Variants in PRKG2 observed in about 807,000 individuals in gnomAD.
The protein encoded by PRKG2 is cGMP-dependent protein kinase 2.
PRKG2 carries 33 observed loss-of-function variants against 97.2 expected under a neutral mutation model. That is an observed-to-expected ratio of 0.34 (90% CI 0.26 to 0.45). The LOEUF is 0.45. Among genes scored for constraint, PRKG2 ranks in the 20% least tolerant of loss-of-function variants. The probability of loss-of-function intolerance (pLI) is 1.00; values close to 1 mark genes in which losing one functional copy is unlikely to be tolerated. For missense variants in PRKG2, 638 were observed against 900.0 expected (o/e 0.71, Z 3.73); for synonymous variants, 330 against 321.8 (o/e 1.03, Z -0.27).
intron 2 of PRKG2, among the ~76,000 whole-genome samples, chr4:81,177,952 G>A (rs970439320): frequency 6.6e-6 from 1 of 151,634 alleles, no homozygotes; most frequent in African/African-American, 2.4e-5. Flanking sequence ...ACTGAACACA[G>A]TCTTGGCTAT....
At position 81,092,317 on chromosome 4, in the gene PRKG2, A is replaced by T. The variant is rs1466208797; in HGVS notation, c.2193+69T>A. 3 of 1,081,624 alleles carry T rather than the reference A, an allele frequency of 2.8e-6. No homozygotes were observed. In the African/African-American group the frequency reaches 4.9e-5, roughly 18 times the overall value. The allele number at this position is 1,081,624 out of a possible 1,614,324, so 67.0% of individuals were successfully genotyped here. On this transcript the variant is annotated intron_variant, in intron 18 of 18. Coordinates refer to ENST00000264399, the MANE Select transcript of PRKG2 (RefSeq NM_006259.3). ...CTGTTATGGGCATATACATACACACATCTAAAATCTGTGTACAAAAACAAA... is the reference window on the plus strand; with the variant it reads ...CTGTTATGGGCATATACATACACACTTCTAAAATCTGTGTACAAAAACAAA...
At chr4:81,176,034 A>G (rs1428552273) in intron 2 of PRKG2, 2 of 152,154 alleles carry the variant, frequency 1.3e-5, no homozygotes, top group Non-Finnish European at 2.9e-5. Flanking sequence ...TTTTCAAACA[A>G]AAGGTAAGAC....
intron 2 of PRKG2, among the ~76,000 whole-genome samples, chr4:81,202,386 T>G (rs1753370213): frequency 1.3e-5 from 2 of 152,222 alleles, no homozygotes; most frequent in Admixed American, 6.5e-5. Context: ...TCTGTACTTT[T>G]TGCAAGGGAA....
chr4:81,174,560 C>A (rs777794113), intron 3 of PRKG2, among the ~76,000 whole-genome samples: 15 of 151,956 alleles, frequency 9.9e-5, no homozygotes, highest in Non-Finnish European at 1.9e-4. Context: ...ATCTCTCTAT[C>A]AACTGCTCAA....
At chr4:81,211,096 C>A (rs1753948556) in intron 1 of PRKG2, among the ~76,000 whole-genome samples, 1 of 151,992 alleles carries the variant, frequency 6.6e-6, no homozygotes, top group Non-Finnish European at 1.5e-5. Context: ...TAAAACTATT[C>A]AATATGATAC....
chr4:81,210,571 G>C (rs1329225072), intron 1 of PRKG2, among the ~76,000 whole-genome samples: 1 of 152,102 alleles, frequency 6.6e-6, no homozygotes, highest in Non-Finnish European at 1.5e-5. Flanking sequence ...GTGTGAATAT[G>C]GAGCAACAGG....
intron 2 of PRKG2, among the ~76,000 whole-genome samples, chr4:81,201,364 A>T (rs1430214040): frequency 6.6e-6 from 1 of 152,196 alleles, no homozygotes; most frequent in Non-Finnish European, 1.5e-5. Flanking sequence ...CCATCACTGA[A>T]GAAAGTTCTA....
chr4:81,191,806 A>C (rs1277868186), intron 2 of PRKG2, among the ~76,000 whole-genome samples: 1 of 152,208 alleles, frequency 6.6e-6, no homozygotes, highest in African/African-American at 2.4e-5. Context: ...AATGTCCAGC[A>C]GAATGGCCAA....
intron 2 of PRKG2, among the ~76,000 whole-genome samples, chr4:81,197,604 C>T (rs1753041592): frequency 7.0e-6 from 1 of 142,514 alleles, no homozygotes; most frequent in Non-Finnish European, 1.5e-5. Flanking sequence ...CTTAATAAGC[C>T]TCATATAATA....
At chr4:81,134,245 T>C (rs1406177677) in intron 14 of PRKG2, among the ~76,000 whole-genome samples, 1 of 152,216 alleles carries the variant, frequency 6.6e-6, no homozygotes, top group Non-Finnish European at 1.5e-5. Context: ...ATGAAACCTA[T>C]CTAACCTATC....
At chr4:81,169,404 C>A (rs755466301) in intron 5 of PRKG2, among the ~76,000 whole-genome samples, 2 of 152,028 alleles carry the variant, frequency 1.3e-5, no homozygotes, top group Non-Finnish European at 2.9e-5. Flanking sequence ...GCACATTTTT[C>A]TATGCTGTGC....
intron 1 of PRKG2, among the ~76,000 whole-genome samples, chr4:81,205,468 G>A (rs936691887): frequency 6.6e-6 from 1 of 152,216 alleles, no homozygotes; most frequent in Non-Finnish European, 1.5e-5. Context: ...GCATGGAAAT[G>A]TCACAACTTT....
chr4:81,208,553 C>T (rs1753801337), intron 1 of PRKG2, among the ~76,000 whole-genome samples: 1 of 152,094 alleles, frequency 6.6e-6, no homozygotes. Flanking sequence ...TTCAGAGTAG[C>T]TAGGACTACA....
At chr4:81,204,217 CTCTT>C (rs1753498990) in intron 2 of PRKG2, among the ~76,000 whole-genome samples, 1 of 150,878 alleles carries the variant, frequency 6.6e-6, no homozygotes, top group South Asian at 2.1e-4. Context: ...AAATGTGACT[CTCTT>C]TTTTTTTTTT....
intron 17 of PRKG2, among the ~76,000 whole-genome samples, chr4:81,101,026 A>AT (rs1742697475): frequency 6.6e-6 from 1 of 152,142 alleles, no homozygotes; most frequent in African/African-American, 2.4e-5. Flanking sequence ...ATACCATCTC[A>AT]CACCAGTTAG....
chr4:81,135,668 G>A (rs1049953306), intron 13 of PRKG2, among the ~76,000 whole-genome samples: 7 of 152,066 alleles, frequency 4.6e-5, no homozygotes, highest in Non-Finnish European at 7.4e-5. Flanking sequence ...GCAACTTATT[G>A]CTTGACTTAA....
intron 17 of PRKG2, among the ~76,000 whole-genome samples, chr4:81,103,294 T>A (rs1237716994): frequency 6.6e-6 from 1 of 152,162 alleles, no homozygotes; most frequent in African/African-American, 2.4e-5. Context: ...TATCTCCTAA[T>A]GCTATCCCTC....
chr4:81,125,558 G>T (rs1005173746), intron 14 of PRKG2, among the ~76,000 whole-genome samples: 1 of 152,106 alleles, frequency 6.6e-6, no homozygotes, highest in African/African-American at 2.4e-5. Context: ...GGGCTATTAG[G>T]AATAAAGTTG....
intron 2 of PRKG2, among the ~76,000 whole-genome samples, chr4:81,184,304 C>G (rs112597227): frequency 6.6e-6 from 1 of 152,150 alleles, no homozygotes; most frequent in African/African-American, 2.4e-5. Flanking sequence ...GAAGAACAGG[C>G]AGCAATCTTT....
Sources: gnomAD v4.1 joint callset for allele counts (sites outside exome capture counted in the v4.1 genomes callset) on GRCh38, gnomAD v4.1.1 for gene constraint, MANE v1.5 for transcripts, NCBI Gene and HGNC (gene_info 2026-07-23, HGNC 2026-07-21) for gene names.